The following PCBD2 variants were observed in gnomAD, a reference collection of about 807,000 sequenced individuals.
PCBD2 encodes pterin-4 alpha-carbinolamine dehydratase 2.
Under a neutral mutation model 16.4 loss-of-function variants are expected in PCBD2, and 12 were observed. The ratio of observed to expected loss-of-function variants is 0.73; its 90% CI spans 0.47 to 1.19. The LOEUF (loss-of-function observed/expected upper bound fraction) is 1.19. PCBD2 is among the 50% of genes most tolerant of loss of function. The pLI, the probability that PCBD2 is intolerant of heterozygous loss-of-function variation, is 0.00. For synonymous variants in PCBD2, 58 were observed against 61.8 expected (o/e 0.94, Z 0.29); for missense variants, 138 against 156.8 (o/e 0.88, Z 0.64).
intron 2 of PCBD2, among the ~76,000 whole-genome samples, chr5:134,916,266 A>G (rs1320553581): frequency 6.6e-6 from 1 of 152,184 alleles, no homozygotes; most frequent in African/African-American, 2.4e-5. Flanking sequence ...CTCCAGGCTG[A>G]GCGAAAGTGT....
chr5:134,919,960 GC>G (rs1387528177), intron 2 of PCBD2, among the ~76,000 whole-genome samples: 1 of 152,172 alleles, frequency 6.6e-6, no homozygotes, highest in Non-Finnish European at 1.5e-5. Flanking sequence ...GCCTGATGGA[GC>G]AGCTGTAGTG....
chr5:134,935,259 A>G (rs1328856508), intron 2 of PCBD2, among the ~76,000 whole-genome samples: 1 of 152,146 alleles, frequency 6.6e-6, no homozygotes. Context: ...GTAACTGTTG[A>G]CTCTGCTGCC....
At chr5:134,953,033 G>GC (rs1554167009) in intron 2 of PCBD2, among the ~76,000 whole-genome samples, 7 of 145,310 alleles carry the variant, frequency 4.8e-5, no homozygotes, top group Non-Finnish European at 1.1e-4. Flanking sequence ...TTATTAACAA[G>GC]TTTTTTTTTT....
chr5:134,948,741 G>T (rs1751327348), intron 2 of PCBD2, among the ~76,000 whole-genome samples: 1 of 148,852 alleles, frequency 6.7e-6, no homozygotes, highest in Non-Finnish European at 1.5e-5. Context: ...TTTTTAAAAG[G>T]CTCTAAAATG....
chr5:134,915,790 T>C (rs554223703), intron 2 of PCBD2, among the ~76,000 whole-genome samples: 8 of 152,248 alleles, frequency 5.3e-5, no homozygotes, highest in Non-Finnish European at 1.2e-4. Context: ...CATGAGCATA[T>C]GCACACCATG....
chr5:134,944,342 T>C (rs1751266703), intron 2 of PCBD2, among the ~76,000 whole-genome samples: 3 of 152,190 alleles, frequency 2.0e-5, no homozygotes, highest in Admixed American at 2.0e-4. Context: ...CATATTGTGC[T>C]CTTTGTCTTT....
At chr5:134,926,014 A>G (rs1236727296) in intron 2 of PCBD2, 2 of 380,356 alleles carry the variant, frequency 5.3e-6, no homozygotes. Context: ...AAAGGATATA[A>G]TTCCTACGCC....
chr5:134,945,014 A>G (rs923459524), intron 2 of PCBD2, among the ~76,000 whole-genome samples: 3 of 152,232 alleles, frequency 2.0e-5, no homozygotes, highest in African/African-American at 7.2e-5. Flanking sequence ...TTTATAGGAA[A>G]ATCACAGTGC....
intron 2 of PCBD2, chr5:134,927,842 G>T: frequency 3.1e-6 from 1 of 318,148 alleles, no homozygotes; most frequent in Non-Finnish European, 5.7e-6. Flanking sequence ...TTAGTATTAG[G>T]AGGGGGGTCG....
chr5:134,950,438 A>G (rs573786758), intron 2 of PCBD2, among the ~76,000 whole-genome samples: 1 of 152,344 alleles, frequency 6.6e-6, no homozygotes, highest in Non-Finnish European at 1.5e-5. Flanking sequence ...CATACATGTT[A>G]TTTGACTGAA....
intron 1 of PCBD2, among the ~76,000 whole-genome samples, chr5:134,906,503 C>T (rs1427350520): frequency 2.6e-5 from 4 of 152,088 alleles, no homozygotes; most frequent in Admixed American, 1.3e-4. Context: ...AGCTCGAAGA[C>T]GGAGGAAGAT....
chr5:134,920,377 G>GT (rs1214899844), intron 2 of PCBD2, among the ~76,000 whole-genome samples: 1 of 152,126 alleles, frequency 6.6e-6, no homozygotes, highest in Non-Finnish European at 1.5e-5. Context: ...TAGAAAGGTT[G>GT]TTTTTTTGAT....
Position 134,924,260 on chromosome 5 carries a change from C to T in PCBD2, c.216+13794C>T, listed in dbSNP as rs79095076. On this transcript the variant is annotated intron_variant, in intron 2 of 3. Coordinates refer to ENST00000254908, the MANE Select transcript of PCBD2 (RefSeq NM_032151.5). ...TTGGGTGTGTTATTATTCTGAATTA[C>T]GGGGGAGGTTACATGGGTTTAATGG... 22 of 392,546 alleles carry T rather than the reference C, an allele frequency of 5.6e-5. No individual in the cohort carries two copies. The South Asian group carries it at 1.3e-3, about 24-fold the overall frequency. The allele number at this position is 392,546 out of a possible 1,614,324, so 24.3% of individuals were successfully genotyped here.
chr5:134,953,422 T>G (rs1003511378), intron 2 of PCBD2, among the ~76,000 whole-genome samples: 2 of 150,122 alleles, frequency 1.3e-5, no homozygotes, highest in East Asian at 1.9e-4. Context: ...TATACATATA[T>G]ATGTACTATT....
At chr5:134,943,823 AG>A (rs1751259983) in intron 2 of PCBD2, among the ~76,000 whole-genome samples, 1 of 152,186 alleles carries the variant, frequency 6.6e-6, no homozygotes, top group African/African-American at 2.4e-5. Flanking sequence ...CTTTCAGTGG[AG>A]GGATCCTATT....
chr5:134,913,102 T>A (rs6888512), intron 2 of PCBD2, among the ~76,000 whole-genome samples: 24,810 of 152,234 alleles, frequency 0.16, 2,190 homozygotes, highest in South Asian at 0.36. Flanking sequence ...AAAAATTTTT[T>A]AAATTTTATC....
At chr5:134,933,420 G>A (rs1751121474) in intron 2 of PCBD2, among the ~76,000 whole-genome samples, 1 of 152,060 alleles carries the variant, frequency 6.6e-6, no homozygotes, top group Non-Finnish European at 1.5e-5. Context: ...ATTTTTTGTA[G>A]AGACTGGGTT....
chr5:134,905,229 T>C lies in PCBD2; in HGVS notation c.84+6T>C, dbSNP rs1383573995. 3.1e-5 allele frequency: 38 copies of C among 1,220,438 alleles called. No homozygotes were observed. The highest frequency in any genetic ancestry group is 3.6e-5 in the Non-Finnish European group (35 of 981,548). The allele number at this position is 1,220,438 out of a possible 1,614,324, so 75.6% of individuals were successfully genotyped here. The stretch of plus-strand genomic sequence containing the variant: ...GCCTAGGGCTAGCGGCCATGGTGAG[T>C]GCACAGCGGCCGCGTGGGTGGGGGT... On this transcript the variant is annotated splice_donor_region_variant and intron_variant, in intron 1 of 3. Coordinates refer to ENST00000254908, the MANE Select transcript of PCBD2 (RefSeq NM_032151.5).
chr5:134,960,454 A>G (rs1751462371), intron 3 of PCBD2, 132 bp from the exon 4 acceptor site: 2 of 663,348 alleles, frequency 3.0e-6, no homozygotes. Flanking sequence ...ATAATGTAGT[A>G]TTTTCTAAAT....
Sources: gnomAD v4.1 joint callset for allele counts (sites outside exome capture counted in the v4.1 genomes callset) on GRCh38, gnomAD v4.1.1 for gene constraint, MANE v1.5 for transcripts, NCBI Gene and HGNC (gene_info 2026-07-23, HGNC 2026-07-21) for gene names.